Variants in ASPRV1 observed in about 807,000 individuals in gnomAD.
ASPRV1 encodes retroviral-like aspartic protease 1.
A neutral mutation model predicts 11.0 loss-of-function variants in ASPRV1; 7 were observed. The ratio of observed to expected loss-of-function variants is 0.64; its 90% CI spans 0.36 to 1.20. The LOEUF (loss-of-function observed/expected upper bound fraction) is 1.20. Ranked by LOEUF, ASPRV1 falls within the 50% of genes most tolerant of loss-of-function variation. ASPRV1 has a pLI of 0.02. For synonymous variants in ASPRV1, 136 were observed against 138.4 expected, an observed-to-expected ratio of 0.98 and a Z score of 0.12; for missense variants, 299 against 320.0, an observed-to-expected ratio of 0.93 and a Z score of 0.50.
downstream of ASPRV1, among the ~76,000 whole-genome samples, chr2:69,959,584 G>C (rs1205693895): frequency 6.6e-6 from 1 of 151,874 alleles, no homozygotes; most frequent in Non-Finnish European, 1.5e-5. Flanking sequence ...AGAAGAAGCT[G>C]ACCTCCCACC....
chr2:69,946,828 G>A, the ASPRV1 span, among the ~76,000 whole-genome samples: 9 of 152,110 alleles, frequency 5.9e-5, no homozygotes, highest in Admixed American at 2.0e-4. Context: ...TATTTTCCAG[G>A]TAGTATCTCA....
At chr2:70,081,161 T>C in the ASPRV1 span, 1 of 152,214 alleles carries the variant, frequency 6.6e-6, no homozygotes, top group East Asian at 1.9e-4. Context: ...TGAGGTCAAA[T>C]TGTTACTATC....
the ASPRV1 span, among the ~76,000 whole-genome samples, chr2:70,022,039 G>C: frequency 3.4e-5 from 5 of 148,508 alleles, no homozygotes; most frequent in Non-Finnish European, 5.9e-5. Flanking sequence ...GTTTGAGATG[G>C]AGTCTGGCTC....
the ASPRV1 span, among the ~76,000 whole-genome samples, chr2:70,013,068 T>C: frequency 6.6e-6 from 1 of 152,214 alleles, no homozygotes; most frequent in Non-Finnish European, 1.5e-5. Flanking sequence ...ATGAAATCAG[T>C]GGTAACACTG....
At chr2:70,038,605 T>C in the ASPRV1 span, among the ~76,000 whole-genome samples, 1 of 152,062 alleles carries the variant, frequency 6.6e-6, no homozygotes, top group African/African-American at 2.4e-5. Context: ...AAAAAGCGTA[T>C]GAAGCTCTTT....
the ASPRV1 span, chr2:70,087,347 A>G: frequency 1.3e-5 from 2 of 151,794 alleles, no homozygotes; most frequent in Middle Eastern, 3.2e-3. Flanking sequence ...TTTAAGGACC[A>G]TGTAAGGGTT....
upstream of ASPRV1, chr2:69,963,538 C>T (rs1000739895): frequency 9.2e-6 from 4 of 434,964 alleles, no homozygotes; most frequent in Non-Finnish European, 1.9e-5. Flanking sequence ...AGCATGCGAC[C>T]AAGGGAGGAG....
At chr2:70,046,363 A>G in the ASPRV1 span, 12 of 152,138 alleles carry the variant, frequency 7.9e-5, no homozygotes, top group Non-Finnish European at 1.8e-4. Context: ...CCAGATTAAC[A>G]CAGGTGGTAG....
At chr2:69,948,201 T>C in the ASPRV1 span, among the ~76,000 whole-genome samples, 2 of 152,066 alleles carry the variant, frequency 1.3e-5, no homozygotes, top group African/African-American at 4.8e-5. Flanking sequence ...TGAGTCACGA[T>C]TGCACCACCG....
At chr2:69,991,352 G>A in the ASPRV1 span, among the ~76,000 whole-genome samples, 4 of 152,236 alleles carry the variant, frequency 2.6e-5, no homozygotes, top group Middle Eastern at 3.4e-3. Flanking sequence ...GGGCCCCCAC[G>A]CTCCTCCACT....
the ASPRV1 span, among the ~76,000 whole-genome samples, chr2:70,055,359 A>G: frequency 6.6e-6 from 1 of 152,204 alleles, no homozygotes. Flanking sequence ...ACTATTTACA[A>G]TAACAAAGAC....
the ASPRV1 span, among the ~76,000 whole-genome samples, chr2:70,033,880 C>T: frequency 4.1e-4 from 62 of 152,304 alleles, no homozygotes; most frequent in African/African-American, 1.2e-3. Context: ...GCTGGCCGGG[C>T]GCGGTGGCTC....
the ASPRV1 span, among the ~76,000 whole-genome samples, chr2:70,021,162 T>C: frequency 2.0e-5 from 3 of 152,264 alleles, no homozygotes; most frequent in South Asian, 2.1e-4. Flanking sequence ...TGTTTTTCCT[T>C]CTGTAACTGG....
the ASPRV1 span, among the ~76,000 whole-genome samples, chr2:70,002,131 T>C: frequency 2.0e-5 from 3 of 152,214 alleles, no homozygotes; most frequent in African/African-American, 7.2e-5. Flanking sequence ...GTAAGAAACA[T>C]GGCAGTGTGC....
chr2:69,976,114 C>CA, the ASPRV1 span: 2 of 152,504 alleles, frequency 1.3e-5, no homozygotes, highest in Non-Finnish European at 2.9e-5. Flanking sequence ...ACATGTGACC[C>CA]AACCGCACCC....
the ASPRV1 span, among the ~76,000 whole-genome samples, chr2:70,058,582 C>T: frequency 2.7e-5 from 4 of 149,066 alleles, no homozygotes; most frequent in East Asian, 3.9e-4. Context: ...GACAAAGTCT[C>T]GCTCTTGTAC....
the ASPRV1 span, among the ~76,000 whole-genome samples, chr2:69,999,831 C>T: frequency 2.0e-5 from 3 of 151,276 alleles, no homozygotes; most frequent in Non-Finnish European, 4.4e-5. Context: ...TCATCCTCTA[C>T]CTGCTCACAC....
chr2:70,059,377 G>A, the ASPRV1 span, among the ~76,000 whole-genome samples: 1 of 151,064 alleles, frequency 6.6e-6, no homozygotes, highest in Non-Finnish European at 1.5e-5. Flanking sequence ...GGTTTTCTTA[G>A]AGGGAGCATA....
At chr2:70,019,712 T>C in the ASPRV1 span, among the ~76,000 whole-genome samples, 4 of 152,046 alleles carry the variant, frequency 2.6e-5, no homozygotes, top group Non-Finnish European at 4.4e-5. Flanking sequence ...TATAAAATAG[T>C]TGAACTCATA....
Sources: allele counts gnomAD v4.1 joint callset (sites outside exome capture counted in the v4.1 genomes callset), GRCh38; gene constraint gnomAD v4.1.1; transcripts MANE v1.5; gene names NCBI Gene and HGNC (gene_info 2026-07-23, HGNC 2026-07-21).